The following LYZL1 variants were observed in gnomAD, a reference collection of about 807,000 sequenced individuals.
LYZL1 encodes lysozyme-like protein 1.
In LYZL1, 16 loss-of-function variants were observed where a neutral mutation model predicts 17.9. The ratio of observed to expected loss-of-function variants is 0.90; its 90% confidence interval spans 0.61 to 1.36. The LOEUF is 1.36. LYZL1 is among the 40% of genes most tolerant of loss of function. LYZL1 has a pLI of 0.00. For synonymous variants in LYZL1, 58 were observed against 71.8 expected, an observed-to-expected ratio of 0.81 and a Z score of 0.97; for missense variants, 149 against 188.4, an observed-to-expected ratio of 0.79 and a Z score of 1.22.
rs570644205 is a variant in LYZL1 at position 29,291,963 on chromosome 10, G to A, written c.96G>A (p.Ser32=). The change falls in exon 2 of 5, where the codon TCG becomes TCA. Residue 32 remains serine, a synonymous_variant. Coordinates refer to ENST00000649382, the MANE Select transcript of LYZL1 (RefSeq NM_032517.6). ...YTRCKLAKIF[S]RAGLDNYWGF... is the part of the protein sequence containing the mutation. ...GTTGCAAACTGGCAAAAATATTCTC[G>A]AGGGCTGGCCTGGACAATTACTGGG... is the stretch of plus-strand genomic sequence containing the variant. The A allele has an allele frequency of 2.0e-5, 32 of 1,578,390 alleles. No homozygotes were observed. Among genetic ancestry groups the A allele is most frequent in the East Asian group, 1.4e-4 (6 of 44,198 alleles).
downstream of LYZL1, among the ~76,000 whole-genome samples, chr10:29,312,669 A>G (rs1290664919): frequency 6.6e-6 from 1 of 152,122 alleles, no homozygotes; most frequent in Non-Finnish European, 1.5e-5. Context: ...TCAGACCCCA[A>G]AGCGATATTC....
chr10:29,290,987 A>G (rs1370650596), intron 1 of LYZL1, among the ~76,000 whole-genome samples: 1 of 152,162 alleles, frequency 6.6e-6, no homozygotes, highest in African/African-American at 2.4e-5. Context: ...AGTTTTCCAT[A>G]CAGGCCCACG....
intron 1 of LYZL1, among the ~76,000 whole-genome samples, chr10:29,290,307 A>G (rs185815596): frequency 0.014 from 2,082 of 152,322 alleles, 23 homozygotes; most frequent in South Asian, 0.022. Flanking sequence ...CAAGAGGGGA[A>G]GAGATTGTGG....
intron 3 of LYZL1, among the ~76,000 whole-genome samples, chr10:29,293,127 C>CTTTTCTTTTTTTTTTTTTTTTTT (rs1835397932): frequency 9.6e-6 from 1 of 104,196 alleles, no homozygotes; most frequent in Non-Finnish European, 2.0e-5. Context: ...CTTTTCTTTT[C>CTTTTCTTTTTTTTTTTTTTTTTT]TTTTTTCTTT....
rs568699371 is a variant in LYZL1, at chr10:29,308,442, G to A, written c.299-1668G>A. Among the ~76,000 whole-genome samples, 23 of 152,284 alleles carry A rather than the reference G, an allele frequency of 1.5e-4. No individual in the cohort carries two copies. In the East Asian group the frequency reaches 4.3e-3, roughly 28 times the overall value. On this transcript the variant is annotated intron_variant, in intron 3 of 4. Transcript: ENST00000649382. The stretch of plus-strand genomic sequence containing the variant: ...TTCCTCCACCCCATTCCTTTCATAG[G>A]TGTGGATCCCTGAGGAATATCTAGC...
intron 3 of LYZL1, among the ~76,000 whole-genome samples, chr10:29,300,478 C>A (rs575381327): frequency 1.1e-4 from 16 of 152,014 alleles, no homozygotes; most frequent in Non-Finnish European, 1.9e-4. Context: ...TATTTATATA[C>A]CTCACAATCC....
In LYZL1 at chr10:29,293,556, T is replaced by A. The variant is rs77278461; in HGVS notation, c.298+879T>A. ...GATAACAAAATACATCAGGCATGAA[T>A]TCTGCTTTACCGAACTTTCATGTGA... On this transcript the variant is annotated intron_variant, in intron 3 of 4. Transcript: ENST00000649382. 7.4e-3 allele frequency among the ~76,000 whole-genome samples: 1,126 copies of A among 152,342 alleles called. 16 individuals carry two copies. Among genetic ancestry groups the A allele is most frequent in the East Asian group, 0.066 (341 of 5,188 alleles).
intron 3 of LYZL1, among the ~76,000 whole-genome samples, chr10:29,295,238 T>C (rs1835432308): frequency 1.3e-5 from 2 of 152,248 alleles, no homozygotes; most frequent in African/African-American, 4.8e-5. Flanking sequence ...AAAATCTGTC[T>C]TCTTCTAACC....
intron 3 of LYZL1, among the ~76,000 whole-genome samples, chr10:29,301,099 G>T (rs4749410): frequency 0.34 from 51,938 of 151,928 alleles, 9,192 homozygotes; most frequent in African/African-American, 0.44. Context: ...GGAGGAACTC[G>T]GTGGGAGGTG....
chr10:29,302,924 G>T (rs1049222884), intron 3 of LYZL1, among the ~76,000 whole-genome samples: 1 of 152,186 alleles, frequency 6.6e-6, no homozygotes, highest in African/African-American at 2.4e-5. Flanking sequence ...TGTTAGTGAA[G>T]TTCTGGAGTA....
intron 3 of LYZL1, among the ~76,000 whole-genome samples, chr10:29,296,440 T>A (rs1835447380): frequency 6.6e-6 from 1 of 152,176 alleles, no homozygotes; most frequent in Admixed American, 6.5e-5. Context: ...GGAAGACACA[T>A]TTAAAGTTCA....
intron 4 of LYZL1, 91 bp downstream of exon 4, chr10:29,310,279 C>T: frequency 4.0e-6 from 4 of 990,986 alleles, no homozygotes; most frequent in Non-Finnish European, 6.3e-6. Flanking sequence ...ACAAACTCAC[C>T]TCCGCAGAGT....
At chr10:29,306,787 C>A (rs978441107) in intron 3 of LYZL1, among the ~76,000 whole-genome samples, 2 of 123,144 alleles carry the variant, frequency 1.6e-5, no homozygotes, top group Non-Finnish European at 3.3e-5. Flanking sequence ...ACATAGTTAC[C>A]GCTTATGTAT....
Position 29,311,045 on chromosome 10 carries a change from T to C in LYZL1, c.433T>C (p.Cys145Arg), listed in dbSNP as rs1306708476. Reference sequence around the variant, plus strand: ...AGACCTGTCCGAGTGGAAAAAAGGCTGTGAGGTTTCCTAAACTGGAACTGG... The same window carrying C: ...AGACCTGTCCGAGTGGAAAAAAGGCCGTGAGGTTTCCTAAACTGGAACTGG... Reference protein sequence around the residue: ...GRDLSEWKKGCEVS With the variant: ...GRDLSEWKKGREVS The change falls in exon 5 of 5, where the codon TGT becomes CGT. Residue 145 changes from cysteine to arginine, a missense_variant. Coordinates refer to ENST00000649382, the MANE Select transcript of LYZL1 (RefSeq NM_032517.6). 8.7e-6 allele frequency: 14 copies of C among 1,614,086 alleles called. No individual in the cohort carries two copies. The African/African-American group carries it at 1.3e-4, about 15-fold the overall frequency.
chr10:29,304,943 T>C (rs1443498826), intron 3 of LYZL1, among the ~76,000 whole-genome samples: 2 of 152,162 alleles, frequency 1.3e-5, no homozygotes, highest in Non-Finnish European at 2.9e-5. Context: ...CCTGGTCCAA[T>C]ATGGCCCCAC....
chr10:29,315,909 C>G (rs1239125124), downstream of LYZL1, among the ~76,000 whole-genome samples: 1 of 152,134 alleles, frequency 6.6e-6, no homozygotes, highest in Non-Finnish European at 1.5e-5. Context: ...AATAGCCCCA[C>G]TCCAGCCCTG....
chr10:29,297,154 A>G (rs574951179), intron 3 of LYZL1, among the ~76,000 whole-genome samples: 2 of 152,226 alleles, frequency 1.3e-5, no homozygotes, highest in African/African-American at 2.4e-5. Flanking sequence ...GAAATTAACA[A>G]TATGATACAG....
rs1485577258 is a variant in LYZL1, at chr10:29,293,136, T to TTTC, written c.298+461_298+462insCTT. Among the ~76,000 whole-genome samples the TTTC allele has an allele frequency of 1.9e-4, 26 of 135,802 alleles. 1 individual carries two copies. The highest frequency in any genetic ancestry group is 1.0e-3 in the Admixed American group (14 of 13,876). 89.1% of individuals were successfully genotyped at this position (135,802 alleles called of 152,430 possible). Reference sequence around the variant, plus strand: ...TTTTTTCTTTTCTTTTCTTTTTTCTTTTTTTTTTTTTTTTGAGACAGGGTC... The same window carrying TTTC: ...TTTTTTCTTTTCTTTTCTTTTTTCTTTTCTTTTTTTTTTTTTTGAGACAGGGTC... On this transcript the variant is annotated intron_variant, in intron 3 of 4. Transcript: ENST00000649382.
chr10:29,292,090 G>A, intron 2 of LYZL1, 84 bp downstream of exon 2: 9 of 1,536,166 alleles, frequency 5.9e-6, no homozygotes, highest in Admixed American at 1.8e-5. Flanking sequence ...TCCCTGCTGT[G>A]TCTTCCCAAC....
Sources: gnomAD v4.1 joint callset for allele counts (sites outside exome capture counted in the v4.1 genomes callset) on GRCh38, gnomAD v4.1.1 for gene constraint, MANE v1.5 for transcripts, NCBI Gene and HGNC (gene_info 2026-07-23, HGNC 2026-07-21) for gene names.